The following KLRC1 variants were observed in gnomAD, a reference collection of about 807,000 sequenced individuals.
KLRC1 encodes killer cell lectin like receptor C1.
Under a neutral mutation model 25.9 loss-of-function variants are expected in KLRC1, and 22 were observed. That is an observed-to-expected ratio of 0.85 (90% CI 0.61 to 1.21). The LOEUF is 1.21. KLRC1 is among the 50% of genes most tolerant of loss of function. The pLI is 0.00. For synonymous variants in KLRC1, 77 were observed against 93.1 expected (o/e 0.83, Z 0.99); for missense variants, 240 against 272.2 (o/e 0.88, Z 0.83).
chr12:10,451,346 A>T lies in KLRC1; in HGVS notation c.-31-159T>A, dbSNP rs550140707. 40 of 452,124 alleles carry T rather than the reference A, an allele frequency of 8.8e-5. No individual in the cohort carries two copies. The South Asian group carries it at 3.5e-3, about 40-fold the overall frequency. The allele number at this position is 452,124 out of a possible 1,614,324, so 28.0% of individuals were successfully genotyped here. A position where few individuals can be genotyped will look rare whatever the true frequency, so the allele number is the denominator to read the frequency against. On this transcript the variant is annotated intron_variant, in intron 1 of 6. Transcript: ENST00000359151. ...TTCTTCAAGCCTAAACACGTTTCTTATGAATATTTGTTTTAAAAAAAGATT... is the reference window on the plus strand; with the variant it reads ...TTCTTCAAGCCTAAACACGTTTCTTTTGAATATTTGTTTTAAAAAAAGATT...
intron 3 of KLRC1, 92 bp from the exon 4 acceptor site, chr12:10,450,059 TAG>T (rs1378719786): frequency 2.0e-6 from 2 of 1,019,312 alleles, no homozygotes; most frequent in Non-Finnish European, 2.7e-6. Flanking sequence ...TTGTATTATT[TAG>T]AGTTAGAATA....
At position 10,447,715 on chromosome 12, in the gene KLRC1, T is replaced by C. The variant is rs1591613495; in HGVS notation, c.490-83A>G. Reference sequence around the variant, plus strand: ...AATATATTAAATTTGAAAACCACTATTTGCAGTGCCAAAAACTTTCATAAA... The same window carrying C: ...AATATATTAAATTTGAAAACCACTACTTGCAGTGCCAAAAACTTTCATAAA... On this transcript the variant is annotated intron_variant, in intron 5 of 6. Coordinates refer to ENST00000359151, the MANE Select transcript of KLRC1 (RefSeq NM_002259.5). The C allele has an allele frequency of 5.3e-6, 6 of 1,126,726 alleles. No individual in the cohort carries two copies. In the South Asian group the frequency reaches 8.1e-5, roughly 15 times the overall value. 69.8% of individuals were successfully genotyped at this position (1,126,726 alleles called of 1,614,324 possible).
chr12:10,448,020 T>G (rs35427001), intron 5 of KLRC1, among the ~76,000 whole-genome samples: 15 of 152,280 alleles, frequency 9.9e-5, no homozygotes, highest in East Asian at 3.9e-4. Flanking sequence ...GGAAGCTACA[T>G]ATTGGGTTTT....
upstream of KLRC1, among the ~76,000 whole-genome samples, chr12:10,453,849 C>A (rs1199544745): frequency 6.6e-6 from 1 of 151,998 alleles, no homozygotes; most frequent in Non-Finnish European, 1.5e-5. Flanking sequence ...TTATTAACTT[C>A]TCTTAGTTCT....
At chr12:10,443,207 T>C (rs540150553), downstream of KLRC1, among the ~76,000 whole-genome samples, 1 of 141,748 alleles carries the variant, frequency 7.1e-6, no homozygotes, top group African/African-American at 2.7e-5. Flanking sequence ...AAACACCATT[T>C]TTACATGATG....
chr12:10,446,533 A>C lies in KLRC1; in HGVS notation c.*18T>G. ...TATACAATTTATCTGATGCACTGCA[A>C]ATGCAAACGCTTTACCTCTAAAGCT... On this transcript the variant is annotated 3_prime_UTR_variant, in exon 7 of 7. Transcript: ENST00000359151. 1 of 1,601,820 alleles carries C rather than the reference A, an allele frequency of 6.2e-7. No homozygotes were observed. The highest frequency in any genetic ancestry group is 1.1e-5 in the South Asian group (1 of 88,280).
intron 3 of KLRC1, chr12:10,450,243 T>G (rs919816955): frequency 1.5e-5 from 7 of 467,978 alleles, no homozygotes; most frequent in African/African-American, 1.2e-4. Flanking sequence ...TTTTTCAGAC[T>G]CCTAGAACAT....
rs1863978115 is a variant in KLRC1, at chr12:10,446,078, C to T, written c.*473G>A. On this transcript the variant is annotated 3_prime_UTR_variant, in exon 7 of 7. Coordinates refer to ENST00000359151, the MANE Select transcript of KLRC1 (RefSeq NM_002259.5). ...ATTGAAGTGTCGTGTACAAAGCATACATTTCATGCACTTAAAATGATTAAA... is the reference window on the plus strand; with the variant it reads ...ATTGAAGTGTCGTGTACAAAGCATATATTTCATGCACTTAAAATGATTAAA... The T allele has an allele frequency of 6.7e-6, 1 of 148,436 alleles. No homozygotes were observed. Among genetic ancestry groups the T allele is most frequent in the East Asian group, 2.0e-4 (1 of 4,990 alleles). The allele number at this position is 148,436 out of a possible 1,614,324, so 9.2% of individuals were successfully genotyped here. A position where few individuals can be genotyped will look rare whatever the true frequency, so the allele number is the denominator to read the frequency against.
chr12:10,446,533 A>T lies in KLRC1; in HGVS notation c.*18T>A, dbSNP rs1350754872. 1 of 1,601,820 alleles carries T rather than the reference A, an allele frequency of 6.2e-7. No homozygotes were observed. Among genetic ancestry groups the T allele is most frequent in the Non-Finnish European group, 8.5e-7 (1 of 1,173,594 alleles). ...TATACAATTTATCTGATGCACTGCA[A>T]ATGCAAACGCTTTACCTCTAAAGCT... On this transcript the variant is annotated 3_prime_UTR_variant, in exon 7 of 7. Transcript: ENST00000359151.
chr12:10,446,680 C>A lies in KLRC1; in HGVS notation c.591-18G>T, dbSNP rs759125102. 1.9e-6 allele frequency: 3 copies of A among 1,613,120 alleles called. No individual in the cohort carries two copies. The highest frequency in any genetic ancestry group is 3.3e-5 in the Admixed American group (2 of 60,010). Reference sequence around the variant, plus strand: ...CTTTTATCCTGTAATGGAGAAAAATCCATATTCTGTTACATTTTAAGCAAA... The same window carrying A: ...CTTTTATCCTGTAATGGAGAAAAATACATATTCTGTTACATTTTAAGCAAA... On this transcript the variant is annotated intron_variant, in intron 6 of 6. Transcript: ENST00000359151.
At position 10,449,166 on chromosome 12, in the gene KLRC1, G is replaced by A. The variant is rs531176256; in HGVS notation, c.489+71C>T. 3.1e-6 allele frequency: 5 copies of A among 1,589,364 alleles called. No individual in the cohort carries two copies. In the South Asian group the frequency reaches 5.6e-5, roughly 18 times the overall value. On this transcript the variant is annotated intron_variant, in intron 5 of 6. Coordinates refer to ENST00000359151, the MANE Select transcript of KLRC1 (RefSeq NM_002259.5). ...CTAAATGTATATACCCACACATATG[G>A]ATGATTTCTACAAATATATTATCGA...
At chr12:10,451,243 T>A (rs958283833) in intron 1 of KLRC1, 56 bp from the exon 2 acceptor site, 2 of 1,078,904 alleles carry the variant, frequency 1.9e-6, no homozygotes, top group Admixed American at 6.6e-5. Context: ...GATTCCCTAG[T>A]GCAATTAAAA....
chr12:10,451,604 G>A lies in KLRC1; in HGVS notation c.-31-417C>T, dbSNP rs185911610. ...ATGGGCGGCAGAGGTTGCAGTGAGC[G>A]GAGATTGTGCCACTGCACTCCAGCC... On this transcript the variant is annotated intron_variant, in intron 1 of 6. Transcript: ENST00000359151. Among the ~76,000 whole-genome samples the A allele has an allele frequency of 2.9e-4, 44 of 152,062 alleles. 1 individual carries two copies. The highest frequency in any genetic ancestry group is 1.9e-4 in the East Asian group (1 of 5,172).
chr12:10,444,856 T>C (rs1440194632), downstream of KLRC1, among the ~76,000 whole-genome samples: 1 of 151,430 alleles, frequency 6.6e-6, no homozygotes, highest in East Asian at 1.9e-4. Context: ...TGGTCAAATA[T>C]CCTTGTGAAC....
chr12:10,445,508 C>T (rs115271836), downstream of KLRC1, among the ~76,000 whole-genome samples: 747 of 151,880 alleles, frequency 4.9e-3, 6 homozygotes, highest in African/African-American at 0.017. Flanking sequence ...AATCAGAAAA[C>T]GATACATATG....
At chr12:10,452,326 A>T (rs1864142292) in intron 1 of KLRC1, among the ~76,000 whole-genome samples, 3 of 152,188 alleles carry the variant, frequency 2.0e-5, no homozygotes, top group Non-Finnish European at 4.4e-5. Context: ...TTGTATAAGT[A>T]CTTGTAAAAT....
chr12:10,451,655 C>A (rs1281176504), intron 1 of KLRC1, among the ~76,000 whole-genome samples: 8 of 147,642 alleles, frequency 5.4e-5, no homozygotes, highest in Non-Finnish European at 6.0e-5. Flanking sequence ...GACTCCGACT[C>A]AAAAAAAAAA....
At chr12:10,449,202 C>A in intron 5 of KLRC1, 35 bp downstream of exon 5, 1 of 1,612,392 alleles carries the variant, frequency 6.2e-7, no homozygotes, top group Non-Finnish European at 8.5e-7. Flanking sequence ...CCGAAAGAAG[C>A]TTTTCATAAA....
At position 10,446,268 on chromosome 12, in the gene KLRC1, G is replaced by A. The variant is rs1863982480; in HGVS notation, c.*283C>T. 3.2e-6 allele frequency: 2 copies of A among 632,066 alleles called. No homozygotes were observed. Among genetic ancestry groups the A allele is most frequent in the Non-Finnish European group, 4.3e-6 (2 of 469,252 alleles). The allele number at this position is 632,066 out of a possible 1,614,324, so 39.2% of individuals were successfully genotyped here. A position where few individuals can be genotyped will look rare whatever the true frequency, so the allele number is the denominator to read the frequency against. On this transcript the variant is annotated 3_prime_UTR_variant, in exon 7 of 7. Coordinates refer to ENST00000359151, the MANE Select transcript of KLRC1 (RefSeq NM_002259.5). ...CACTATTCTACTTTCTGTCTCCATGGGTTTGACTGTTCTTGGTACTTCCTA... is the reference window on the plus strand; with the variant it reads ...CACTATTCTACTTTCTGTCTCCATGAGTTTGACTGTTCTTGGTACTTCCTA...
Sources: allele counts gnomAD v4.1 joint callset (sites outside exome capture counted in the v4.1 genomes callset), GRCh38; gene constraint gnomAD v4.1.1; transcripts MANE v1.5; gene names NCBI Gene and HGNC (gene_info 2026-07-23, HGNC 2026-07-21).